Variants in ITPK1 observed in about 807,000 individuals in gnomAD.
The protein encoded by ITPK1 is inositol-tetrakisphosphate 1-kinase, also known as inositol 1,3,4-trisphosphate 5/6-kinase.
A neutral mutation model predicts 45.3 loss-of-function variants in ITPK1; 21 were observed. The observed-to-expected ratio is 0.46, with a 90% confidence interval of 0.33 to 0.67. ITPK1 has a LOEUF of 0.67. Among genes scored for constraint, ITPK1 ranks in the 30% least tolerant of loss-of-function variants. The pLI is 0.02. For missense variants in ITPK1, 474 were observed against 573.5 expected (o/e 0.83, Z 1.77); for synonymous variants, 258 against 253.6 (o/e 1.02, Z -0.16).
At chr14:93,059,017 A>G (rs1226402050) in intron 3 of ITPK1, among the ~76,000 whole-genome samples, 1 of 7,916 alleles carries the variant, frequency 1.3e-4, no homozygotes, top group Admixed American at 1.6e-3. Context: ...GGTGCGGATC[A>G]TGAAGCAGGG....
intron 2 of ITPK1, among the ~76,000 whole-genome samples, chr14:93,080,039 A>G (rs1268007322): frequency 6.6e-6 from 1 of 152,242 alleles, no homozygotes; most frequent in East Asian, 1.9e-4. Context: ...CAAACCACAC[A>G]CAGTCAAAGG....
intron 5 of ITPK1, among the ~76,000 whole-genome samples, chr14:92,981,360 C>T (rs369486482): frequency 1.3e-4 from 20 of 152,334 alleles, no homozygotes; most frequent in East Asian, 5.8e-4. Context: ...GGCTCTCTCC[C>T]GCAGCACCAA....
chr14:93,018,280 C>T (rs1002478560), intron 3 of ITPK1, among the ~76,000 whole-genome samples: 1 of 152,160 alleles, frequency 6.6e-6, no homozygotes, highest in African/African-American at 2.4e-5. Flanking sequence ...CTACCGCCTC[C>T]CCTATGGCTC....
intron 3 of ITPK1, among the ~76,000 whole-genome samples, chr14:93,055,859 G>A (rs780432979): frequency 6.6e-6 from 1 of 152,214 alleles, no homozygotes; most frequent in African/African-American, 2.4e-5. Flanking sequence ...GCTGACTGGA[G>A]TGGCAATGAC....
At position 93,076,475 on chromosome 14, in the gene ITPK1, A is replaced by T; in HGVS notation, c.120+120T>A. 1.7e-6 allele frequency: 2 copies of T among 1,163,998 alleles called. No homozygotes were observed. Among genetic ancestry groups the T allele is most frequent in the Non-Finnish European group, 2.5e-6 (2 of 791,100 alleles). The allele number at this position is 1,163,998 out of a possible 1,614,324, so 72.1% of individuals were successfully genotyped here. On this transcript the variant is annotated intron_variant, in intron 3 of 10. Transcript: ENST00000267615. This position sits in a 1 kb window ranked among gnomAD's most constrained non-coding sequence, Gnocchi z 4.3. ...CAAATCCACAGGGGAGCTAAAAACAAGCTGCACGTGAAGAAGAGAGAAAGC... is the reference window on the plus strand; with the variant it reads ...CAAATCCACAGGGGAGCTAAAAACATGCTGCACGTGAAGAAGAGAGAAAGC...
chr14:93,021,208 G>T (rs1180776084), intron 3 of ITPK1, among the ~76,000 whole-genome samples: 1 of 151,980 alleles, frequency 6.6e-6, no homozygotes, highest in Non-Finnish European at 1.5e-5. Context: ...GGACAGAACT[G>T]CCATTGCCAA....
intron 8 of ITPK1, among the ~76,000 whole-genome samples, chr14:92,957,893 T>C (rs755673474): frequency 6.6e-6 from 1 of 152,162 alleles, no homozygotes; most frequent in Non-Finnish European, 1.5e-5. Context: ...TGTTCCTCCA[T>C]GAATATCATT....
At chr14:92,977,942 A>T (rs1886032217) in intron 5 of ITPK1, among the ~76,000 whole-genome samples, 1 of 151,992 alleles carries the variant, frequency 6.6e-6, no homozygotes, top group African/African-American at 2.4e-5. Context: ...GGAACTAGAT[A>T]ACGGGCAGAG....
chr14:93,078,726 A>G (rs996190559), intron 2 of ITPK1, among the ~76,000 whole-genome samples: 1 of 152,056 alleles, frequency 6.6e-6, no homozygotes, highest in Admixed American at 6.6e-5. Flanking sequence ...CACAACCTGC[A>G]CCGTTTCTGA....
At chr14:92,983,508 C>T (rs1032615583) in intron 5 of ITPK1, among the ~76,000 whole-genome samples, 1 of 152,170 alleles carries the variant, frequency 6.6e-6, no homozygotes, top group Non-Finnish European at 1.5e-5. Flanking sequence ...ACAAGCCCAA[C>T]AACTCAACTA....
intron 3 of ITPK1, among the ~76,000 whole-genome samples, chr14:93,018,046 G>A (rs1035445585): frequency 5.3e-5 from 8 of 151,992 alleles, no homozygotes; most frequent in African/African-American, 1.4e-4. Context: ...CTGCAACCCC[G>A]CTCCCCACGC....
At chr14:92,946,619 C>T (rs1007785989) in intron 9 of ITPK1, 126 bp from the exon 10 acceptor site, 84 of 959,832 alleles carry the variant, frequency 8.8e-5, no homozygotes, top group Non-Finnish European at 1.2e-4. Context: ...GCCAGACAGA[C>T]CTACTGTGGT....
At chr14:93,113,831 C>T (rs530151603) in intron 2 of ITPK1, among the ~76,000 whole-genome samples, 80 of 152,358 alleles carry the variant, frequency 5.3e-4, no homozygotes, top group Non-Finnish European at 1.0e-3. Flanking sequence ...AAGAACCAGG[C>T]ACTATCCTGT....
In ITPK1 at chr14:92,938,549, T is replaced by C; in HGVS notation, c.*3012A>G. On this transcript the variant is annotated 3_prime_UTR_variant, in exon 11 of 11. Coordinates refer to ENST00000267615, the MANE Select transcript of ITPK1 (RefSeq NM_014216.6). ...CCCCTGGGTACAGAGAGGAATGTTTTTCCCAGGTTGCTTTCTCCTTTATTG... is the reference window on the plus strand; with the variant it reads ...CCCCTGGGTACAGAGAGGAATGTTTCTCCCAGGTTGCTTTCTCCTTTATTG... 1 of 1,607,876 alleles carries C rather than the reference T, an allele frequency of 6.2e-7. No homozygotes were observed.
In ITPK1 at chr14:93,064,971, T is replaced by C. The variant is rs530676400; in HGVS notation, c.120+11624A>G. 1.1e-4 allele frequency among the ~76,000 whole-genome samples: 17 copies of C among 152,214 alleles called. No individual in the cohort carries two copies. The South Asian group carries it at 3.3e-3, about 30-fold the overall frequency. ...TCCCTGGGACCTCCCCTGCCCATAA[T>C]GAACTAGCACGGGAGGGGGTCATGG... On this transcript the variant is annotated intron_variant, in intron 3 of 10. Coordinates refer to ENST00000267615, the MANE Select transcript of ITPK1 (RefSeq NM_014216.6).
chr14:93,023,013 T>C (rs1888549381), intron 3 of ITPK1, among the ~76,000 whole-genome samples: 1 of 152,166 alleles, frequency 6.6e-6, no homozygotes, highest in Non-Finnish European at 1.5e-5. Flanking sequence ...ACTGTGGGTA[T>C]AGCAGCCCCT....
intron 3 of ITPK1, among the ~76,000 whole-genome samples, chr14:93,021,387 T>C (rs1381590701): frequency 6.6e-6 from 1 of 151,132 alleles, no homozygotes; most frequent in Non-Finnish European, 1.5e-5. Flanking sequence ...AGGTCAGGAG[T>C]TTAAGACCAG....
In ITPK1 at chr14:93,100,182, G is replaced by A. The variant is rs764468236; in HGVS notation, c.95+14887C>T. On this transcript the variant is annotated intron_variant, in intron 2 of 10. Transcript: ENST00000267615. ...GTTCAGAGACAGGTATGTGGCCCAG[G>A]ATGACAAATCAGAGGCCAACAGAAG... Among the ~76,000 whole-genome samples, 6 of 152,194 alleles carry A rather than the reference G, an allele frequency of 3.9e-5. No individual in the cohort carries two copies. In the East Asian group the frequency reaches 7.7e-4, roughly 20 times the overall value.
intron 3 of ITPK1, among the ~76,000 whole-genome samples, chr14:93,072,997 G>A (rs1329461664): frequency 2.0e-5 from 3 of 152,258 alleles, no homozygotes; most frequent in Non-Finnish European, 4.4e-5. Flanking sequence ...ACTGGCCACT[G>A]TACTTGACCA....
Sources: allele counts gnomAD v4.1 joint callset (sites outside exome capture counted in the v4.1 genomes callset), GRCh38; gene constraint gnomAD v4.1.1; non-coding constraint Gnocchi (gnomAD v3.1); transcripts MANE v1.5; gene names NCBI Gene and HGNC (gene_info 2026-07-23, HGNC 2026-07-21).